The following OSBPL3 variants were observed in gnomAD, a reference collection of about 807,000 sequenced individuals.
The protein encoded by OSBPL3 is oxysterol-binding protein-related protein 3.
A neutral mutation model predicts 120.1 loss-of-function variants in OSBPL3; 65 were observed. That is an observed-to-expected ratio of 0.54 (90% confidence interval 0.44 to 0.67). The LOEUF is 0.67. Ranked by LOEUF, OSBPL3 falls within the 30% of genes least tolerant of loss-of-function variation. The pLI, the probability that OSBPL3 is intolerant of heterozygous loss-of-function variation, is 0.00. For synonymous variants in OSBPL3, 416 were observed against 402.6 expected (o/e 1.03, Z -0.40); for missense variants, 1,004 against 1,082.1 (o/e 0.93, Z 1.01).
Position 24,968,785 on chromosome 7 carries a change from T to C in OSBPL3, c.-150+11101A>G, listed in dbSNP as rs1816679092. ...ACTTTCATATAAAATATATATTATA[T>C]ATGGATATTCTATACTTCACTTTTT... On this transcript the variant is annotated intron_variant, in intron 1 of 22. Transcript: ENST00000313367. The surrounding 1 kb of genome is among the most constrained non-coding windows in gnomAD (Gnocchi z 4.6). 6.6e-6 allele frequency among the ~76,000 whole-genome samples: 1 copy of C among 152,220 alleles called. No individual in the cohort carries two copies. Among genetic ancestry groups the C allele is most frequent in the South Asian group, 2.1e-4 (1 of 4,838 alleles).
intron 1 of OSBPL3, among the ~76,000 whole-genome samples, chr7:24,977,512 C>T (rs1386036079): frequency 6.6e-6 from 1 of 152,108 alleles, no homozygotes; most frequent in Non-Finnish European, 1.5e-5. Context: ...TCCAATTCTT[C>T]ACCTGAAAAA....
rs2128226917 is a variant in OSBPL3, at chr7:24,851,495, T to C, written c.1158+1009A>G. Among the ~76,000 whole-genome samples, 1 of 152,294 alleles carries C rather than the reference T, an allele frequency of 6.6e-6. No individual in the cohort carries two copies. Among genetic ancestry groups the C allele is most frequent in the Admixed American group, 6.5e-5 (1 of 15,306 alleles). On this transcript the variant is annotated intron_variant, in intron 11 of 22. Coordinates refer to ENST00000313367, the MANE Select transcript of OSBPL3 (RefSeq NM_015550.4). The surrounding 1 kb of genome is among the most constrained non-coding windows in gnomAD (Gnocchi z 4.1). ...TCTTGGCAATACGATAAATAGAAAA[T>C]ATGAATCAACATTTTCTAGTTCTCT...
rs1362388262 is a variant in OSBPL3, at chr7:24,835,861, G to T, written c.1496-1125C>A. Among the ~76,000 whole-genome samples the T allele has an allele frequency of 6.6e-6, 1 of 152,098 alleles. No homozygotes were observed. The highest frequency in any genetic ancestry group is 2.4e-5 in the African/African-American group (1 of 41,386). On this transcript the variant is annotated intron_variant, in intron 14 of 22. Transcript: ENST00000313367. This position sits in a 1 kb window ranked among gnomAD's most constrained non-coding sequence, Gnocchi z 4.8. Reference sequence around the variant, plus strand: ...ACTTGTAAAGGGGTACTAAACGTTAGTTCACATGAACATAAAGAAGGGAAC... The same window carrying T: ...ACTTGTAAAGGGGTACTAAACGTTATTTCACATGAACATAAAGAAGGGAAC...
chr7:24,856,296 C>T (rs1469773782), intron 10 of OSBPL3, among the ~76,000 whole-genome samples: 3 of 151,890 alleles, frequency 2.0e-5, no homozygotes, highest in African/African-American at 4.8e-5. Flanking sequence ...GTGGTCACTA[C>T]CTTTCTGTTT....
At chr7:24,907,992 C>T (rs1292925433) in intron 1 of OSBPL3, among the ~76,000 whole-genome samples, 1 of 152,218 alleles carries the variant, frequency 6.6e-6, no homozygotes, top group Non-Finnish European at 1.5e-5. Flanking sequence ...TTACTGTTCA[C>T]TGGAATCATT....
chr7:24,904,918 G>GGTAGGT (rs1554401149), intron 1 of OSBPL3, among the ~76,000 whole-genome samples: 1 of 132,948 alleles, frequency 7.5e-6, no homozygotes, highest in African/African-American at 2.8e-5. Context: ...ATAATATACA[G>GGTAGGT]GTGTGTGTGT....
chr7:24,944,153 G>A lies in OSBPL3; in HGVS notation c.-150+35733C>T, dbSNP rs1174964550. Among the ~76,000 whole-genome samples, 4 of 151,246 alleles carry A rather than the reference G, an allele frequency of 2.6e-5. No homozygotes were observed. The East Asian group carries it at 7.8e-4, about 29-fold the overall frequency. ...CAAAGATTAAAAGTTATCTTGACTT[G>A]AAGAGATTACTGGATTCTTCATATT... is the stretch of plus-strand genomic sequence containing the variant. On this transcript the variant is annotated intron_variant, in intron 1 of 22. Transcript: ENST00000313367.
At chr7:24,905,522 T>C (rs1807768613) in intron 1 of OSBPL3, among the ~76,000 whole-genome samples, 1 of 152,196 alleles carries the variant, frequency 6.6e-6, no homozygotes, top group South Asian at 2.1e-4. Flanking sequence ...GATCAATTAT[T>C]ACCAACCCTG....
At position 24,855,394 on chromosome 7, in the gene OSBPL3, A is replaced by G. The variant is rs1584391648; in HGVS notation, c.1028-2760T>C. 6.6e-6 allele frequency among the ~76,000 whole-genome samples: 1 copy of G among 152,268 alleles called. No individual in the cohort carries two copies. The highest frequency in any genetic ancestry group is 1.9e-4 in the East Asian group (1 of 5,206). ...GAGAAGAGTCCTACATAAATTTTAA[A>G]AACTGGCAGAATATACAATATTTGG... On this transcript the variant is annotated intron_variant, in intron 10 of 22. Transcript: ENST00000313367. The surrounding 1 kb of genome is among the most constrained non-coding windows in gnomAD (Gnocchi z 4.3).
In OSBPL3 at chr7:24,939,232, C is replaced by G. The variant is rs1183180894; in HGVS notation, c.-150+40654G>C. The stretch of plus-strand genomic sequence containing the variant: ...TGTCCATAATCCAAAGGACCAAGGT[C>G]TCTGAGGATGGAGGAGGTGTAAGCT... On this transcript the variant is annotated intron_variant, in intron 1 of 22. Transcript: ENST00000313367. This position sits in a 1 kb window ranked among gnomAD's most constrained non-coding sequence, Gnocchi z 4.2. Among the ~76,000 whole-genome samples the G allele has an allele frequency of 6.6e-6, 1 of 152,200 alleles. No homozygotes were observed. Among genetic ancestry groups the G allele is most frequent in the Non-Finnish European group, 1.5e-5 (1 of 68,036 alleles).
chr7:24,957,023 A>T (rs979646874), intron 1 of OSBPL3, among the ~76,000 whole-genome samples: 1 of 152,218 alleles, frequency 6.6e-6, no homozygotes, highest in African/African-American at 2.4e-5. Context: ...AAGTCATGCT[A>T]TCTGCCTTGC....
chr7:24,965,723 T>C lies in OSBPL3; in HGVS notation c.-150+14163A>G, dbSNP rs960177868. ...TCTGTTTTATTAAATAATTAATTTG[T>C]TTGTTTTTGTGGAGACTGAGTCTCA... On this transcript the variant is annotated intron_variant, in intron 1 of 22. Coordinates refer to ENST00000313367, the MANE Select transcript of OSBPL3 (RefSeq NM_015550.4). The surrounding 1 kb of genome is among the most constrained non-coding windows in gnomAD (Gnocchi z 4.3). 3.3e-5 allele frequency among the ~76,000 whole-genome samples: 5 copies of C among 152,282 alleles called. No individual in the cohort carries two copies. The highest frequency in any genetic ancestry group is 2.6e-4 in the Admixed American group (4 of 15,300).
intron 10 of OSBPL3, among the ~76,000 whole-genome samples, chr7:24,861,139 C>T (rs909052461): frequency 1.3e-4 from 20 of 152,162 alleles, no homozygotes; most frequent in African/African-American, 4.3e-4. Flanking sequence ...GTAGTGATAT[C>T]TCATCATGGC....
At chr7:24,842,663 A>G (rs1374928536) in intron 12 of OSBPL3, among the ~76,000 whole-genome samples, 1 of 152,158 alleles carries the variant, frequency 6.6e-6, no homozygotes, top group East Asian at 1.9e-4. Context: ...GCAAAAAACA[A>G]CTGTCCAGGT....
intron 1 of OSBPL3, among the ~76,000 whole-genome samples, chr7:24,917,399 A>ATATATATATATATATATATAT (rs1194293107): frequency 2.3e-5 from 1 of 42,982 alleles, no homozygotes; most frequent in African/African-American, 1.0e-4. Context: ...ATATATTTGT[A>ATATATATATATATATATATAT]ACATATATAT....
chr7:24,872,101 C>G lies in OSBPL3; in HGVS notation c.97-32G>C, dbSNP rs998106195. The G allele has an allele frequency of 1.4e-6, 2 of 1,410,506 alleles. No homozygotes were observed. Among genetic ancestry groups the G allele is most frequent in the African/African-American group, 2.8e-5 (2 of 70,856 alleles). 87.4% of individuals were successfully genotyped at this position (1,410,506 alleles called of 1,614,324 possible). ...CAACAAAAGAGTTCATGTTAAATGT[C>G]TATCTTTTTGAAAAATAATAATGGT... On this transcript the variant is annotated intron_variant, in intron 2 of 22. Transcript: ENST00000313367. This position sits in a 1 kb window ranked among gnomAD's most constrained non-coding sequence, Gnocchi z 4.1.
At position 24,939,019 on chromosome 7, in the gene OSBPL3, G is replaced by T. The variant is rs951712147; in HGVS notation, c.-150+40867C>A. ...AATCAGTGTAGAAATAAAGATTAAA[G>T]AATTTTTAGCACAGAGATATTGGAT... On this transcript the variant is annotated intron_variant, in intron 1 of 22. Coordinates refer to ENST00000313367, the MANE Select transcript of OSBPL3 (RefSeq NM_015550.4). The surrounding 1 kb of genome is among the most constrained non-coding windows in gnomAD (Gnocchi z 4.2). Among the ~76,000 whole-genome samples, 5 of 152,098 alleles carry T rather than the reference G, an allele frequency of 3.3e-5. No individual in the cohort carries two copies. Among genetic ancestry groups the T allele is most frequent in the African/African-American group, 9.7e-5 (4 of 41,412 alleles).
rs1024265877 is a variant in OSBPL3 at position 24,806,145 on chromosome 7, C to T, written c.2444+631G>A. On this transcript the variant is annotated intron_variant, in intron 21 of 22. Transcript: ENST00000313367. This position sits in a 1 kb window ranked among gnomAD's most constrained non-coding sequence, Gnocchi z 5.2. The stretch of plus-strand genomic sequence containing the variant: ...CTAATTTTTGTATTTTTAGTACAGA[C>T]GGGGTTTCGCCATATTGGCCAGGCT... 2.6e-5 allele frequency among the ~76,000 whole-genome samples: 4 copies of T among 152,162 alleles called. No homozygotes were observed. Among genetic ancestry groups the T allele is most frequent in the Admixed American group, 6.5e-5 (1 of 15,282 alleles).
In OSBPL3 at chr7:24,804,163, C is replaced by T; in HGVS notation, c.2567+152G>A. 3.4e-6 allele frequency: 3 copies of T among 873,880 alleles called. No individual in the cohort carries two copies. Among genetic ancestry groups the T allele is most frequent in the Middle Eastern group, 3.6e-4 (1 of 2,744 alleles). The allele number at this position is 873,880 out of a possible 1,614,324, so 54.1% of individuals were successfully genotyped here. On this transcript the variant is annotated intron_variant, in intron 22 of 22. Coordinates refer to ENST00000313367, the MANE Select transcript of OSBPL3 (RefSeq NM_015550.4). This position sits in a 1 kb window ranked among gnomAD's most constrained non-coding sequence, Gnocchi z 5.4. ...TGAAGGTAAGTGCGGGGGACAGGGC[C>T]TGGCACAGAGGAGCAGTACCCCCAC...
Sources: gnomAD v4.1 joint callset for allele counts (sites outside exome capture counted in the v4.1 genomes callset) on GRCh38, gnomAD v4.1.1 for gene constraint, Gnocchi (gnomAD v3.1) non-coding constraint, MANE v1.5 for transcripts, NCBI Gene and HGNC (gene_info 2026-07-23, HGNC 2026-07-21) for gene names.